DYNC1H1: variants seen among roughly 807,000 people sequenced by gnomAD.
DYNC1H1 encodes dynein cytoplasmic 1 heavy chain 1.
DYNC1H1 carries 51 observed loss-of-function variants against 527.1 expected under a neutral mutation model. The ratio of observed to expected loss-of-function variants is 0.10; its 90% CI spans 0.08 to 0.12. The LOEUF (loss-of-function observed/expected upper bound fraction) is 0.12, where lower values mean the gene tolerates loss of function less well. Among genes scored for constraint, DYNC1H1 ranks in the 10% least tolerant of loss-of-function variants. The pLI, the probability that DYNC1H1 is intolerant of heterozygous loss-of-function variation, is 1.00. For missense variants in DYNC1H1, 2,771 were observed against 5,971.8 expected, an observed-to-expected ratio of 0.46 and a Z score of 17.66; for synonymous variants, 2,189 against 2,278.8, an observed-to-expected ratio of 0.96 and a Z score of 1.12.
intron 72 of DYNC1H1, among the ~76,000 whole-genome samples, chr14:102,046,097 G>C (rs528768344): frequency 2.4e-4 from 36 of 152,178 alleles, no homozygotes; most frequent in African/African-American, 5.5e-4. Context: ...GAACCCGGGA[G>C]GGGGAGCTTG....
Position 102,044,704 on chromosome 14 carries a change from C to G in DYNC1H1, c.13006+6C>G. On this transcript the variant is annotated splice_donor_region_variant and intron_variant, in intron 72 of 77. Transcript: ENST00000360184. This position sits in a 1 kb window ranked among gnomAD's most constrained non-coding sequence, Gnocchi z 7.1. Reference sequence around the variant, plus strand: ...AGTCCTCCTTACCACACAGGGTAGGCAACAAGGATCCTCCCCACACGCAGG... The same window carrying G: ...AGTCCTCCTTACCACACAGGGTAGGGAACAAGGATCCTCCCCACACGCAGG... The G allele has an allele frequency of 6.2e-7, 1 of 1,613,298 alleles. No individual in the cohort carries two copies. The highest frequency in any genetic ancestry group is 8.5e-7 in the Non-Finnish European group (1 of 1,179,954).
chr14:102,011,713 C>G lies in DYNC1H1; in HGVS notation c.6619-162C>G. The G allele has an allele frequency of 6.9e-6, 5 of 720,618 alleles. No individual in the cohort carries two copies. Among genetic ancestry groups the G allele is most frequent in the Non-Finnish European group, 1.2e-5 (5 of 422,972 alleles). The allele number at this position is 720,618 out of a possible 1,614,324, so 44.6% of individuals were successfully genotyped here. On this transcript the variant is annotated intron_variant, in intron 32 of 77. Transcript: ENST00000360184. This position sits in a 1 kb window ranked among gnomAD's most constrained non-coding sequence, Gnocchi z 5.3. ...CTTGCGGTGAGCTGAGATCGTGCCA[C>G]TGCATTCCAGTCTGGGTGACAGAGA...
chr14:101,965,020 G>A lies in DYNC1H1; in HGVS notation c.256+73G>A. 2 of 1,472,024 alleles carry A rather than the reference G, an allele frequency of 1.4e-6. No individual in the cohort carries two copies. The highest frequency in any genetic ancestry group is 1.8e-6 in the Non-Finnish European group (2 of 1,091,662). 91.2% of individuals were successfully genotyped at this position (1,472,024 alleles called of 1,614,324 possible). A position where few individuals can be genotyped will look rare whatever the true frequency, so the allele number is the denominator to read the frequency against. On this transcript the variant is annotated intron_variant, in intron 1 of 77. Transcript: ENST00000360184. The surrounding 1 kb of genome is among the most constrained non-coding windows in gnomAD (Gnocchi z 4.1). The stretch of plus-strand genomic sequence containing the variant: ...TGCAGGGCCTGCCAGGTCCTCCGGG[G>A]TCGCAGATGTCCCCGGGATGGGAGG...
chr14:101,999,962 A>G (rs1219591851), intron 16 of DYNC1H1, 27 bp from the exon 17 acceptor site: 2 of 1,614,046 alleles, frequency 1.2e-6, no homozygotes, highest in Non-Finnish European at 1.7e-6. Context: ...ATTGTGCTCC[A>G]ATTCTCTGTG....
At chr14:102,025,787 C>T (rs1390245242) in intron 43 of DYNC1H1, among the ~76,000 whole-genome samples, 1 of 152,154 alleles carries the variant, frequency 6.6e-6, no homozygotes, top group East Asian at 1.9e-4. Context: ...TGTGCTAAAA[C>T]CACATGGTCC....
At chr14:102,025,902 G>T (rs1040165259) in intron 43 of DYNC1H1, among the ~76,000 whole-genome samples, 1 of 152,066 alleles carries the variant, frequency 6.6e-6, no homozygotes, top group African/African-American at 2.4e-5. Flanking sequence ...CAGATCACAA[G>T]GTCAAGAGAT....
At chr14:102,031,930 G>A (rs1567018614) in intron 51 of DYNC1H1, among the ~76,000 whole-genome samples, 1 of 152,212 alleles carries the variant, frequency 6.6e-6, no homozygotes, top group African/African-American at 2.4e-5. Context: ...CTCCAGCCTA[G>A]GCGACAGAGC....
chr14:101,998,879 C>CTTTT lies in DYNC1H1; in HGVS notation c.3805-1093_3805-1090dup, dbSNP rs888317854. 1.5e-4 allele frequency among the ~76,000 whole-genome samples: 17 copies of CTTTT among 115,212 alleles called. 2 individuals are homozygous for CTTTT. The highest frequency in any genetic ancestry group is 5.1e-4 in the East Asian group (2 of 3,952). 75.6% of individuals were successfully genotyped at this position (115,212 alleles called of 152,430 possible). A position where few individuals can be genotyped will look rare whatever the true frequency, so the allele number is the denominator to read the frequency against. On this transcript the variant is annotated intron_variant, in intron 16 of 77. Transcript: ENST00000360184. ...TAATGTGTTAGAGTTAAAACTTTTT[C>CTTTT]TTTTTTTTTTTTTTTTTTTTGAGAC...
rs1566996726 is a variant in DYNC1H1 at position 101,980,504 on chromosome 14, A to G, written c.915A>G (p.Lys305=). ...TTCTCCTGACTCTGGATATCTTGAA[A>G]CATGGCAAGCGCTTCCATGCCACCG... ...PEVLLTLDIL[K]HGKRFHATVS... The change falls in exon 5 of 78, where the codon AAA becomes AAG. Residue 305 remains lysine (K), a synonymous_variant. Transcript: ENST00000360184. 1.2e-6 allele frequency: 2 copies of G among 1,614,238 alleles called. No individual in the cohort carries two copies. Among genetic ancestry groups the G allele is most frequent in the Non-Finnish European group, 1.7e-6 (2 of 1,180,042 alleles).
At chr14:102,032,518 C>T in intron 52 of DYNC1H1, 51 bp downstream of exon 52, 1 of 1,611,354 alleles carries the variant, frequency 6.2e-7, no homozygotes, top group East Asian at 2.2e-5. Context: ...ATCAGTTGTT[C>T]AGGCCAGGCA....
rs1212023677 is a variant in DYNC1H1, at chr14:101,979,662, G to A, written c.519-57G>A. 22 of 1,611,904 alleles carry A rather than the reference G, an allele frequency of 1.4e-5. No individual in the cohort carries two copies. Among genetic ancestry groups the A allele is most frequent in the Admixed American group, 1.0e-4 (6 of 59,954 alleles). On this transcript the variant is annotated intron_variant, in intron 3 of 77. Transcript: ENST00000360184. The surrounding 1 kb of genome is among the most constrained non-coding windows in gnomAD (Gnocchi z 4.6). The stretch of plus-strand genomic sequence containing the variant: ...ACTATTTGACAGACCTGAAATGATG[G>A]GATCTCTTTGGAGACCAATAGCACA...
rs1271105987 is a variant in DYNC1H1, at chr14:102,017,343, C to G, written c.8056-40C>G. 2.5e-6 allele frequency: 4 copies of G among 1,614,198 alleles called. No individual in the cohort carries two copies. The highest frequency in any genetic ancestry group is 3.4e-6 in the Non-Finnish European group (4 of 1,180,036). ...TTCCTGCCCCACAATGTTTCTTGTTCAAGTTTTGCTCTTAATGTGGTACCT... is the reference window on the plus strand; with the variant it reads ...TTCCTGCCCCACAATGTTTCTTGTTGAAGTTTTGCTCTTAATGTGGTACCT... On this transcript the variant is annotated intron_variant, in intron 39 of 77. Transcript: ENST00000360184. This position sits in a 1 kb window ranked among gnomAD's most constrained non-coding sequence, Gnocchi z 4.6.
chr14:101,969,210 C>T (rs2047702242), intron 1 of DYNC1H1, among the ~76,000 whole-genome samples: 1 of 149,884 alleles, frequency 6.7e-6, no homozygotes, highest in African/African-American at 2.5e-5. Context: ...TTAGTAGAGA[C>T]GGGGTTTCAC....
intron 16 of DYNC1H1, among the ~76,000 whole-genome samples, chr14:101,999,026 C>A (rs1298919196): frequency 6.6e-6 from 1 of 151,864 alleles, no homozygotes; most frequent in Non-Finnish European, 1.5e-5. Context: ...GGACTACAGG[C>A]TCCCGCCACC....
intron 1 of DYNC1H1, among the ~76,000 whole-genome samples, chr14:101,972,803 T>C (rs1369073525): frequency 6.6e-6 from 1 of 152,260 alleles, no homozygotes; most frequent in Non-Finnish European, 1.5e-5. Context: ...AATTTTATTT[T>C]CTGTATATTG....
chr14:102,043,141 G>A (rs2152597007), intron 69 of DYNC1H1: 1 of 333,948 alleles, frequency 3.0e-6, no homozygotes, highest in South Asian at 2.4e-5. Context: ...AAATTAGCCA[G>A]GCGTGGTGGC....
At chr14:102,019,237 A>G (rs2048358582) in intron 41 of DYNC1H1, among the ~76,000 whole-genome samples, 1 of 152,236 alleles carries the variant, frequency 6.6e-6, no homozygotes, top group South Asian at 2.1e-4. Context: ...GCTTCCCTGT[A>G]TTCTGCAACA....
Position 102,010,372 on chromosome 14 carries a change from G to A in DYNC1H1, c.6318G>A (p.Glu2106=), listed in dbSNP as rs777512262. 7 of 1,614,026 alleles carry A rather than the reference G, an allele frequency of 4.3e-6. No individual in the cohort carries two copies. Among genetic ancestry groups the A allele is most frequent in the Non-Finnish European group, 5.9e-6 (7 of 1,180,028 alleles). Residue 2106 remains glutamate, a synonymous_variant, in exon 31 of 78, where the codon GAG becomes GAA. Coordinates refer to ENST00000360184, the MANE Select transcript of DYNC1H1 (RefSeq NM_001376.5). The surrounding 1 kb of genome is among the most constrained non-coding windows in gnomAD (Gnocchi z 6.0). ...VLVSAGNVKR[E]RIQKIKREKE... ...TGAGTGCAGGCAATGTGAAGAGAGA[G>A]AGAATCCAGAAGATAAAGAGGGAGA... is the stretch of plus-strand genomic sequence containing the variant.
chr14:101,964,606 C>T lies in DYNC1H1; in HGVS notation c.-86C>T, dbSNP rs532206018. The stretch of plus-strand genomic sequence containing the variant: ...GTGGGCTAGCGGACGGTCCGGCTTC[C>T]GGCGGCCGTTTCTGTCTCTTGCTGG... On this transcript the variant is annotated 5_prime_UTR_variant, in exon 1 of 78. Coordinates refer to ENST00000360184, the MANE Select transcript of DYNC1H1 (RefSeq NM_001376.5). This position sits in a 1 kb window ranked among gnomAD's most constrained non-coding sequence, Gnocchi z 5.5. 63 of 1,530,720 alleles carry T rather than the reference C, an allele frequency of 4.1e-5. No homozygotes were observed. In the African/African-American group the frequency reaches 4.4e-4, roughly 11 times the overall value. 94.8% of individuals were successfully genotyped at this position (1,530,720 alleles called of 1,614,324 possible).
Sources: gnomAD v4.1 joint callset for allele counts (sites outside exome capture counted in the v4.1 genomes callset) on GRCh38, gnomAD v4.1.1 for gene constraint, Gnocchi (gnomAD v3.1) non-coding constraint, MANE v1.5 for transcripts, NCBI Gene and HGNC (gene_info 2026-07-23, HGNC 2026-07-21) for gene names.